The following LSAMP variants were observed in gnomAD, a reference collection of about 807,000 sequenced individuals.
The protein encoded by LSAMP is limbic system associated membrane protein.
Under a neutral mutation model 38.6 loss-of-function variants are expected in LSAMP, and 7 were observed. The observed-to-expected ratio is 0.18, with a 90% CI of 0.10 to 0.34. The LOEUF (loss-of-function observed/expected upper bound fraction) is 0.34, where lower values mean the gene tolerates loss of function less well. LSAMP is among the 10% of genes least tolerant of loss of function. LSAMP has a pLI of 1.00. For synonymous variants in LSAMP, 154 were observed against 166.8 expected (o/e 0.92, Z 0.59); for missense variants, 313 against 420.0 (o/e 0.75, Z 2.23).
chr3:116,325,181 G>A (rs966371576), intron 1 of LSAMP, among the ~76,000 whole-genome samples: 5 of 151,580 alleles, frequency 3.3e-5, no homozygotes, highest in African/African-American at 1.2e-4. Flanking sequence ...CCAGGCTGGA[G>A]TGCAGTGGCT....
At chr3:116,395,357 G>A (rs2048755278) in intron 1 of LSAMP, among the ~76,000 whole-genome samples, 1 of 152,194 alleles carries the variant, frequency 6.6e-6, no homozygotes, top group South Asian at 2.1e-4. Flanking sequence ...CCCTGGATGA[G>A]CATGTTACCA....
chr3:116,266,159 C>G (rs781776230), intron 1 of LSAMP, among the ~76,000 whole-genome samples: 6 of 152,136 alleles, frequency 3.9e-5, no homozygotes, highest in Non-Finnish European at 5.9e-5. Context: ...TCTTCCCTCC[C>G]TTTCTTCCCC....
At chr3:116,303,042 T>TTTAA (rs1287453581) in intron 1 of LSAMP, among the ~76,000 whole-genome samples, 8 of 152,310 alleles carry the variant, frequency 5.3e-5, no homozygotes, top group African/African-American at 1.7e-4. Flanking sequence ...GTATTTTTAT[T>TTTAA]TTAATTAATT....
intron 1 of LSAMP, among the ~76,000 whole-genome samples, chr3:116,423,994 A>G (rs1184147353): frequency 6.6e-6 from 1 of 152,216 alleles, no homozygotes; most frequent in African/African-American, 2.4e-5. Context: ...AGGTGATGGA[A>G]ACAAATGACT....
chr3:116,077,588 T>A (rs1707773360), intron 2 of LSAMP, among the ~76,000 whole-genome samples: 1 of 152,206 alleles, frequency 6.6e-6, no homozygotes, highest in Admixed American at 6.5e-5. Flanking sequence ...GCCTTAAGTA[T>A]TATTGCCTTC....
intron 1 of LSAMP, among the ~76,000 whole-genome samples, chr3:116,412,399 T>C (rs567345754): frequency 1.9e-4 from 29 of 152,202 alleles, no homozygotes; most frequent in South Asian, 6.2e-4. Context: ...AAAGGCATTA[T>C]AAAAACATGC....
intron 1 of LSAMP, among the ~76,000 whole-genome samples, chr3:116,304,429 A>G (rs562979672): frequency 6.6e-6 from 1 of 152,282 alleles, no homozygotes; most frequent in South Asian, 2.1e-4. Flanking sequence ...AACTACAGGG[A>G]AAACCTTTTG....
At chr3:116,168,294 C>T (rs1710110301) in intron 1 of LSAMP, among the ~76,000 whole-genome samples, 1 of 152,120 alleles carries the variant, frequency 6.6e-6, no homozygotes, top group African/African-American at 2.4e-5. Flanking sequence ...GGAGCTCTCT[C>T]TGTGCCATGG....
At chr3:115,815,291 C>A (rs375694321) in intron 6 of LSAMP, among the ~76,000 whole-genome samples, 14 of 152,054 alleles carry the variant, frequency 9.2e-5, no homozygotes, top group Non-Finnish European at 1.9e-4. Context: ...AAAAATATAG[C>A]GTATATAGGT....
chr3:116,330,849 C>A (rs770868659), intron 1 of LSAMP, among the ~76,000 whole-genome samples: 11 of 151,886 alleles, frequency 7.2e-5, no homozygotes, highest in Non-Finnish European at 1.3e-4. Flanking sequence ...CAATTTTCAA[C>A]AACAAAAAAT....
At chr3:115,885,811 C>T (rs548418264) in intron 3 of LSAMP, among the ~76,000 whole-genome samples, 82 of 151,800 alleles carry the variant, frequency 5.4e-4, no homozygotes, top group Admixed American at 1.1e-3. Flanking sequence ...GAAACAGTAC[C>T]ACGGACAGCT....
At chr3:115,976,348 G>GAA (rs1451945691) in intron 3 of LSAMP, among the ~76,000 whole-genome samples, 3 of 152,188 alleles carry the variant, frequency 2.0e-5, no homozygotes, top group Admixed American at 6.5e-5. Context: ...GGAGTGGAGA[G>GAA]AAAAAACCGA....
intron 1 of LSAMP, among the ~76,000 whole-genome samples, chr3:116,303,241 A>ATATT (rs2047438391): frequency 1.3e-5 from 2 of 152,216 alleles, no homozygotes; most frequent in East Asian, 1.9e-4. Flanking sequence ...CCTATAGAAG[A>ATATT]TATTTGGGAG....
At chr3:116,107,687 C>T (rs1362676660) in intron 1 of LSAMP, among the ~76,000 whole-genome samples, 22 of 152,218 alleles carry the variant, frequency 1.4e-4, no homozygotes, top group South Asian at 4.2e-4. Context: ...TGAAGCCTTG[C>T]GGCAGTACAG....
chr3:115,928,672 A>T (rs1180504038), intron 3 of LSAMP, among the ~76,000 whole-genome samples: 1 of 146,226 alleles, frequency 6.8e-6, no homozygotes, highest in Non-Finnish European at 1.5e-5. Flanking sequence ...AGAGTCCTGC[A>T]GAGTGCAGGG....
intron 1 of LSAMP, among the ~76,000 whole-genome samples, chr3:116,417,693 A>G (rs1052753965): frequency 2.0e-5 from 3 of 152,212 alleles, no homozygotes; most frequent in Admixed American, 2.0e-4. Context: ...TTTTTAAAAA[A>G]CCAGCTGGCT....
chr3:116,314,454 C>CCAAA, intron 1 of LSAMP, among the ~76,000 whole-genome samples: 1 of 152,230 alleles, frequency 6.6e-6, no homozygotes, highest in South Asian at 2.1e-4. Flanking sequence ...GACAAACCTG[C>CCAAA]CAAACACTTT....
At chr3:116,077,477 T>C (rs1255746880) in intron 2 of LSAMP, among the ~76,000 whole-genome samples, 11 of 152,174 alleles carry the variant, frequency 7.2e-5, no homozygotes, top group African/African-American at 2.4e-4. Context: ...TTCATACATT[T>C]CTTTATAATG....
intron 2 of LSAMP, among the ~76,000 whole-genome samples, chr3:116,028,179 A>C (rs1940837582): frequency 6.6e-6 from 1 of 152,228 alleles, no homozygotes; most frequent in Non-Finnish European, 1.5e-5. Context: ...GCATACTCCC[A>C]GGATTCAACA....
Sources: allele counts gnomAD v4.1 joint callset (sites outside exome capture counted in the v4.1 genomes callset), GRCh38; gene constraint gnomAD v4.1.1; transcripts MANE v1.5; gene names NCBI Gene and HGNC (gene_info 2026-07-23, HGNC 2026-07-21).